Variants in RPS19 observed in about 807,000 individuals in gnomAD.
The protein encoded by RPS19 is small ribosomal subunit protein eS19.
A neutral mutation model predicts 20.3 loss-of-function variants in RPS19; 1 was observed. The ratio of observed to expected loss-of-function variants is 0.05; its 90% CI spans 0.02 to 0.23. The LOEUF is 0.23. Ranked by LOEUF, RPS19 falls within the 10% of genes least tolerant of loss-of-function variation. The probability of loss-of-function intolerance (pLI) is 1.00; values close to 1 mark genes in which losing one functional copy is unlikely to be tolerated. For missense variants in RPS19, 111 were observed against 192.7 expected (o/e 0.58, Z 2.51); for synonymous variants, 87 against 74.8 (o/e 1.16, Z -0.84).
In RPS19 at chr19:41,869,189, A is replaced by C; in HGVS notation, c.331A>C (p.Lys111Gln). ...RRVLQALEGL[K>Q]MVEKDQDGGR... The stretch of plus-strand genomic sequence containing the variant: ...GGTCCTCCAAGCCCTGGAGGGGCTG[A>C]AAATGGTGGAAAAGGACCAAGATGG... The change falls in exon 4 of 6, where the codon AAA (lysine) becomes CAA (glutamine). Residue 111 changes from lysine to glutamine, a missense_variant. Coordinates refer to ENST00000598742, the MANE Select transcript of RPS19 (RefSeq NM_001022.4). The C allele has an allele frequency of 6.2e-7, 1 of 1,613,818 alleles. No homozygotes were observed. Among genetic ancestry groups the C allele is most frequent in the Non-Finnish European group, 8.5e-7 (1 of 1,179,924 alleles).
Position 41,860,396 on chromosome 19 carries a change from C to T in RPS19, c.-1+107C>T, listed in dbSNP as rs1177203150. 7.3e-5 allele frequency: 13 copies of T among 178,174 alleles called. 1 individual carries two copies. Among genetic ancestry groups the T allele is most frequent in the African/African-American group, 2.4e-4 (10 of 42,000 alleles). The allele number at this position is 178,174 out of a possible 1,614,324, so 11.0% of individuals were successfully genotyped here. On this transcript the variant is annotated intron_variant, in intron 1 of 5. Coordinates refer to ENST00000598742, the MANE Select transcript of RPS19 (RefSeq NM_001022.4). ...CGAGGCGCCCGGCGCGGGCCCGTCCCGCCCCCTAGAGCCGCGGCCACGTGC... is the reference window on the plus strand; with the variant it reads ...CGAGGCGCCCGGCGCGGGCCCGTCCTGCCCCCTAGAGCCGCGGCCACGTGC...
chr19:41,868,815 T>C (rs545290720), intron 3 of RPS19, among the ~76,000 whole-genome samples: 2 of 148,618 alleles, frequency 1.3e-5, no homozygotes, highest in Non-Finnish European at 3.0e-5. Context: ...GCCCTGGAGA[T>C]GGTGGGAGTG....
intron 1 of RPS19, 111 bp from the exon 2 acceptor site, chr19:41,860,662 CGG>C: frequency 1.2e-6 from 1 of 866,980 alleles, no homozygotes; most frequent in Non-Finnish European, 2.0e-6. Context: ...TGGGAAGTAA[CGG>C]GGGGTACCAC....
chr19:41,860,601 G>T, intron 1 of RPS19, 174 bp from the exon 2 acceptor site: 1 of 717,930 alleles, frequency 1.4e-6, no homozygotes, highest in Non-Finnish European at 2.6e-6. Context: ...CGTGGGCGTC[G>T]GTGAGCTCCT....
chr19:41,861,024 C>A, intron 2 of RPS19, 88 bp from the exon 3 acceptor site: 2 of 1,149,164 alleles, frequency 1.7e-6, no homozygotes, highest in Non-Finnish European at 2.6e-6. Context: ...CTGGGCACAG[C>A]ATAGTTGTGT....
chr19:41,860,739 C>G, intron 1 of RPS19, 36 bp from the exon 2 acceptor site: 1 of 1,525,662 alleles, frequency 6.6e-7, no homozygotes. Context: ...TCGTCTCTGC[C>G]AGGCCTGTGT....
chr19:41,861,095 C>G lies in RPS19; in HGVS notation c.72-17C>G, dbSNP rs150151184. ...GGAGATGACTGAATCGTGCTTTTCC[C>G]ACTGTTTTGGTCTTAGGTCCGGGAA... On this transcript the variant is annotated splice_polypyrimidine_tract_variant and intron_variant, in intron 2 of 5. Transcript: ENST00000598742. The G allele has an allele frequency of 2.1e-5, 33 of 1,602,484 alleles. No individual in the cohort carries two copies. In the East Asian group the frequency reaches 6.2e-4, roughly 30 times the overall value.
At chr19:41,870,296 C>T (rs1245840474) in intron 5 of RPS19, among the ~76,000 whole-genome samples, 1 of 152,070 alleles carries the variant, frequency 6.6e-6, no homozygotes, top group African/African-American at 2.4e-5. Context: ...GGCATCTATC[C>T]ACAGAGCACA....
chr19:41,867,738 G>C (rs782726544), intron 3 of RPS19, among the ~76,000 whole-genome samples: 8 of 151,852 alleles, frequency 5.3e-5, no homozygotes, highest in Non-Finnish European at 1.0e-4. Flanking sequence ...CCAGGAGTTC[G>C]AGGCTGCAGT....
At chr19:41,862,873 G>A (rs1029518815) in intron 3 of RPS19, among the ~76,000 whole-genome samples, 6 of 152,224 alleles carry the variant, frequency 3.9e-5, no homozygotes, top group East Asian at 1.9e-4. Context: ...CTGTCCTAGC[G>A]GCATAGGATG....
At chr19:41,861,244 G>A (rs782695129) in intron 3 of RPS19, 32 bp downstream of exon 3, 9 of 1,526,764 alleles carry the variant, frequency 5.9e-6, no homozygotes, top group Non-Finnish European at 7.3e-6. Context: ...CTGGAGAGTG[G>A]GGAGCTGGGT....
intron 5 of RPS19, among the ~76,000 whole-genome samples, chr19:41,870,768 A>G (rs1447716861): frequency 4.0e-5 from 6 of 149,586 alleles, no homozygotes; most frequent in Middle Eastern, 3.5e-3. Flanking sequence ...GGCTTGGCGC[A>G]CACATCATTG....
rs782394063 is a variant in RPS19 at position 41,869,772 on chromosome 19, G to T, written c.411+19G>T. On this transcript the variant is annotated intron_variant, in intron 5 of 5. Coordinates refer to ENST00000598742, the MANE Select transcript of RPS19 (RefSeq NM_001022.4). Reference sequence around the variant, plus strand: ...CGGACAGGTAAGGCCTGCGTTTGGGGTGGGGCTGGGTCCCTTAGTCGCTGC... The same window carrying T: ...CGGACAGGTAAGGCCTGCGTTTGGGTTGGGGCTGGGTCCCTTAGTCGCTGC... 3.0e-5 allele frequency: 49 copies of T among 1,613,068 alleles called. No individual in the cohort carries two copies. Among genetic ancestry groups the T allele is most frequent in the Admixed American group, 1.3e-4 (8 of 60,004 alleles).
At chr19:41,870,561 G>C (rs1411179866) in intron 5 of RPS19, among the ~76,000 whole-genome samples, 1 of 151,854 alleles carries the variant, frequency 6.6e-6, no homozygotes, top group Non-Finnish European at 1.5e-5. Flanking sequence ...CCTCAAGCAT[G>C]GTAGTGAGGA....
intron 3 of RPS19, among the ~76,000 whole-genome samples, chr19:41,865,653 A>G (rs531336124): frequency 2.6e-5 from 4 of 152,310 alleles, no homozygotes; most frequent in Admixed American, 2.0e-4. Context: ...ATTCTTAAAA[A>G]GCAAGATAAC....
In RPS19 at chr19:41,871,524, C is replaced by G. The variant is rs61762300; in HGVS notation, c.*147C>G. The G allele has an allele frequency of 5.9e-5, 43 of 723,282 alleles. No individual in the cohort carries two copies. In the African/African-American group the frequency reaches 7.0e-4, roughly 12 times the overall value. The allele number at this position is 723,282 out of a possible 1,614,324, so 44.8% of individuals were successfully genotyped here. A position where few individuals can be genotyped will look rare whatever the true frequency, so the allele number is the denominator to read the frequency against. On this transcript the variant is annotated 3_prime_UTR_variant, in exon 6 of 6. Transcript: ENST00000598742. ...CTCCGCCTTCTGGGTTCAAATGATT[C>G]TCCTGCCTCAGCCTCCCAAAGTGCT...
At chr19:41,865,237 C>T (rs1348187784) in intron 3 of RPS19, among the ~76,000 whole-genome samples, 6 of 151,654 alleles carry the variant, frequency 4.0e-5, no homozygotes, top group African/African-American at 1.5e-4. Context: ...TGGTAGCAGG[C>T]GCCTGTAGTC....
At position 41,869,117 on chromosome 19, in the gene RPS19, G is replaced by A. The variant is rs782752734; in HGVS notation, c.259G>A (p.Val87Ile). Residue 87 changes from valine (V) to isoleucine (I), a missense_variant, in exon 4 of 6, where the codon GTC (valine) becomes ATC (isoleucine). Coordinates refer to ENST00000598742, the MANE Select transcript of RPS19 (RefSeq NM_001022.4). ...CTATGGGGGACGTCAGAGAAACGGC[G>A]TCATGCCCAGCCACTTCAGCCGAGG... ...KIYGGRQRNGVMPSHFSRGSK... is the reference protein window; with the variant it reads ...KIYGGRQRNGIMPSHFSRGSK... 19 of 1,613,746 alleles carry A rather than the reference G, an allele frequency of 1.2e-5. No individual in the cohort carries two copies. Among genetic ancestry groups the A allele is most frequent in the East Asian group, 2.2e-5 (1 of 44,892 alleles).
chr19:41,862,991 G>A (rs1327933499), intron 3 of RPS19, among the ~76,000 whole-genome samples: 1 of 152,154 alleles, frequency 6.6e-6, no homozygotes, highest in Non-Finnish European at 1.5e-5. Context: ...AGAAGCTGTA[G>A]CCTACAAAGC....
Sources: allele counts gnomAD v4.1 joint callset (sites outside exome capture counted in the v4.1 genomes callset), GRCh38; gene constraint gnomAD v4.1.1; transcripts MANE v1.5; gene names NCBI Gene and HGNC (gene_info 2026-07-23, HGNC 2026-07-21).